AGBL1: variants seen among roughly 807,000 people sequenced by gnomAD.
The protein encoded by AGBL1 is AGBL carboxypeptidase 1.
Under a neutral mutation model 118.9 loss-of-function variants are expected in AGBL1, and 130 were observed. That is an observed-to-expected ratio of 1.09 (90% CI 0.95 to 1.26). The LOEUF is 1.26. Ranked by LOEUF, AGBL1 falls within the 50% of genes most tolerant of loss-of-function variation. The probability of loss-of-function intolerance (pLI) is 0.00; values close to 1 mark genes in which losing one functional copy is unlikely to be tolerated. For synonymous variants in AGBL1, 555 were observed against 478.9 expected, an observed-to-expected ratio of 1.16 and a Z score of -2.08; for missense variants, 1,584 against 1,298.1, an observed-to-expected ratio of 1.22 and a Z score of -3.38.
At chr15:86,675,870 G>T (rs1233404745) in intron 22 of AGBL1, among the ~76,000 whole-genome samples, 1 of 152,124 alleles carries the variant, frequency 6.6e-6, no homozygotes, top group East Asian at 1.9e-4. Flanking sequence ...GTGCCCGTCT[G>T]TTTGATCCAA....
chr15:86,515,771 T>C (rs1247529880), intron 18 of AGBL1, among the ~76,000 whole-genome samples: 1 of 152,192 alleles, frequency 6.6e-6, no homozygotes, highest in Non-Finnish European at 1.5e-5. Context: ...CAAACAGTTG[T>C]TGGTCTTGTG....
intron 22 of AGBL1, among the ~76,000 whole-genome samples, chr15:86,871,544 C>T (rs1317882192): frequency 1.3e-5 from 2 of 152,156 alleles, no homozygotes; most frequent in Non-Finnish European, 2.9e-5. Flanking sequence ...AGGCTCTCTC[C>T]TCCTTCTACC....
chr15:86,226,935 G>A (rs2078374656), intron 6 of AGBL1, among the ~76,000 whole-genome samples: 1 of 152,202 alleles, frequency 6.6e-6, no homozygotes, highest in Non-Finnish European at 1.5e-5. Context: ...GAGGGAGAGA[G>A]TCATCTGTAT....
rs1032347129 is a variant in AGBL1 at position 86,309,222 on chromosome 15, G to A, written c.2374+13814G>A. 1.2e-4 allele frequency among the ~76,000 whole-genome samples: 18 copies of A among 152,222 alleles called. No individual in the cohort carries two copies. The South Asian group carries it at 3.7e-3, about 32-fold the overall frequency. On this transcript the variant is annotated intron_variant, in intron 17 of 22. Transcript: ENST00000614907. ...TTTCCTTTCAAATAGTTTGTTGTCA[G>A]TGTATAGAAACACTGCTGATTTTTG...
At chr15:86,240,458 A>G (rs1237037708) in intron 6 of AGBL1, among the ~76,000 whole-genome samples, 3 of 152,208 alleles carry the variant, frequency 2.0e-5, no homozygotes, top group African/African-American at 7.2e-5. Flanking sequence ...ATTCTTACTA[A>G]TGTCTCAGAA....
chr15:86,260,149 C>T lies in AGBL1; in HGVS notation c.969+2118C>T, dbSNP rs192647751. ...GTCAGGGCTCAAATTGGAGGCACAG[C>T]AAGAGCAAGGAAACTGCTCCAGAAA... On this transcript the variant is annotated intron_variant, in intron 9 of 22. Coordinates refer to ENST00000614907, the MANE Select transcript of AGBL1 (RefSeq NM_001386094.1). 6.2e-4 allele frequency among the ~76,000 whole-genome samples: 95 copies of T among 152,314 alleles called. 1 individual carries two copies. In the East Asian group the frequency reaches 0.016, roughly 26 times the overall value.
intron 17 of AGBL1, among the ~76,000 whole-genome samples, chr15:86,342,956 A>G (rs1272576860): frequency 1.3e-5 from 2 of 152,186 alleles, no homozygotes; most frequent in African/African-American, 4.8e-5. Flanking sequence ...CAAACTGGCA[A>G]TGGGTTGTAT....
chr15:86,264,519 G>T lies in AGBL1; in HGVS notation c.1348G>T (p.Asp450Tyr), dbSNP rs1396394255. The T allele has an allele frequency of 1.2e-6, 2 of 1,614,042 alleles. No individual in the cohort carries two copies. The highest frequency in any genetic ancestry group is 1.7e-6 in the Non-Finnish European group (2 of 1,179,890). ...TGTGCAATCCAATAGTCTCAGGAGAGATTCTTCTGAAAGTGAAATCCCTGA... is the reference window on the plus strand; with the variant it reads ...TGTGCAATCCAATAGTCTCAGGAGATATTCTTCTGAAAGTGAAATCCCTGA... ...QNVQSNSLRR[D>Y]SSESEIPDIQ... The change falls in exon 11 of 23, where the codon GAT (aspartate) becomes TAT (tyrosine). Residue 450 changes from aspartate to tyrosine, a missense_variant. By Grantham distance (160) the Asp-to-Tyr change is radical (BLOSUM62 -3). Coordinates refer to ENST00000614907, the MANE Select transcript of AGBL1 (RefSeq NM_001386094.1).
Position 86,909,383 on chromosome 15 carries a change from G to GCA in AGBL1, c.*2095_*2096dup, listed in dbSNP as rs1156323709. 1 of 152,218 alleles carries GCA rather than the reference G, an allele frequency of 6.6e-6. No individual in the cohort carries two copies. The highest frequency in any genetic ancestry group is 1.5e-5 in the Non-Finnish European group (1 of 68,046). 9.4% of individuals were successfully genotyped at this position (152,218 alleles called of 1,614,324 possible). On this transcript the variant is annotated 3_prime_UTR_variant, in exon 23 of 23. Transcript: ENST00000614907. ...AGAATAATCTCAGATGACACTCATA[G>GCA]CACACACCTCTTGACCAGCAGAAAG...
chr15:86,495,309 A>C (rs2082834792), intron 18 of AGBL1, among the ~76,000 whole-genome samples: 1 of 151,930 alleles, frequency 6.6e-6, no homozygotes, highest in Non-Finnish European at 1.5e-5. Context: ...AAAATTCAAA[A>C]CAAAACGAAA....
chr15:86,875,569 A>T (rs1310255980), intron 22 of AGBL1, among the ~76,000 whole-genome samples: 1 of 152,226 alleles, frequency 6.6e-6, no homozygotes, highest in South Asian at 2.1e-4. Flanking sequence ...AGCTATAGCC[A>T]TAATATTAAA....
intron 22 of AGBL1, among the ~76,000 whole-genome samples, chr15:86,898,681 A>C (rs1320623119): frequency 1.3e-5 from 2 of 152,204 alleles, no homozygotes; most frequent in Admixed American, 1.3e-4. Flanking sequence ...AGCATCTATA[A>C]GGAACTTAAA....
At chr15:86,979,576 C>T (rs1295222293) in intron 23 of AGBL1, among the ~76,000 whole-genome samples, 2 of 152,090 alleles carry the variant, frequency 1.3e-5, no homozygotes, top group Non-Finnish European at 2.9e-5. Context: ...GCAAGCTCCG[C>T]CTCCCGGGTT....
At chr15:86,754,552 G>A (rs1336686770) in intron 22 of AGBL1, among the ~76,000 whole-genome samples, 3 of 151,996 alleles carry the variant, frequency 2.0e-5, no homozygotes, top group African/African-American at 7.2e-5. Flanking sequence ...TGAGTCCAAA[G>A]GGCTCCTGAT....
chr15:86,395,033 C>G (rs2081342262), intron 17 of AGBL1, among the ~76,000 whole-genome samples: 1 of 152,106 alleles, frequency 6.6e-6, no homozygotes, highest in Admixed American at 6.6e-5. Flanking sequence ...TATGTAATAT[C>G]ATAAGCACTT....
chr15:86,477,286 A>G (rs983386589), intron 18 of AGBL1, among the ~76,000 whole-genome samples: 1 of 152,142 alleles, frequency 6.6e-6, no homozygotes, highest in Admixed American at 6.5e-5. Flanking sequence ...AAATCAATGA[A>G]TCCAGGAGCT....
chr15:86,972,108 G>A (rs1433449), intron 23 of AGBL1, among the ~76,000 whole-genome samples: 2 of 151,902 alleles, frequency 1.3e-5, no homozygotes, highest in East Asian at 2.0e-4. Context: ...ATACAAAAAC[G>A]AACTAATACA....
chr15:86,593,715 A>G (rs62012503), intron 21 of AGBL1, among the ~76,000 whole-genome samples: 4,122 of 152,294 alleles, frequency 0.027, 105 homozygotes, highest in East Asian at 0.13. Flanking sequence ...AAAATACAAA[A>G]TATTTCCAAT....
intron 18 of AGBL1, among the ~76,000 whole-genome samples, chr15:86,446,160 A>G (rs1386698091): frequency 6.6e-6 from 1 of 152,176 alleles, no homozygotes; most frequent in African/African-American, 2.4e-5. Context: ...AGCTAAAGTG[A>G]GTCCCTCCAG....
Sources: allele counts gnomAD v4.1 joint callset (sites outside exome capture counted in the v4.1 genomes callset), GRCh38; gene constraint gnomAD v4.1.1; transcripts MANE v1.5; gene names NCBI Gene and HGNC (gene_info 2026-07-23, HGNC 2026-07-21).